Variants in LDLRAD4 observed in about 807,000 individuals in gnomAD.
LDLRAD4 encodes low density lipoprotein receptor class A domain containing 4.
A neutral mutation model predicts 17.0 loss-of-function variants in LDLRAD4; 5 were observed. The ratio of observed to expected loss-of-function variants is 0.29; its 90% CI spans 0.15 to 0.62. The LOEUF is 0.62. Among genes scored for constraint, LDLRAD4 ranks in the 20% least tolerant of loss-of-function variants. The pLI, the probability that LDLRAD4 is intolerant of heterozygous loss-of-function variation, is 0.84. For synonymous variants in LDLRAD4, 168 were observed against 171.8 expected, an observed-to-expected ratio of 0.98 and a Z score of 0.17; for missense variants, 340 against 424.7, an observed-to-expected ratio of 0.80 and a Z score of 1.75.
At chr18:13,372,169 G>A (rs2084567443) in intron 1 of LDLRAD4, among the ~76,000 whole-genome samples, 1 of 152,230 alleles carries the variant, frequency 6.6e-6, no homozygotes. Context: ...GTGTGCCCTT[G>A]CCAGGCATGC....
chr18:13,496,136 C>T lies in LDLRAD4; in HGVS notation c.181+57752C>T, dbSNP rs371786926. 8.5e-5 allele frequency among the ~76,000 whole-genome samples: 13 copies of T among 152,204 alleles called. No individual in the cohort carries two copies. In the South Asian group the frequency reaches 2.7e-3, roughly 32 times the overall value. ...TTTGCCATGGGTACCAGTGAGGGCA[C>T]AGGAGGAAGTGAGTGCTGTGGTGGC... On this transcript the variant is annotated intron_variant, in intron 3 of 5. Coordinates refer to ENST00000359446, the Ensembl canonical transcript of LDLRAD4.
At chr18:13,477,878 G>A (rs2092984494) in intron 3 of LDLRAD4, among the ~76,000 whole-genome samples, 2 of 152,286 alleles carry the variant, frequency 1.3e-5, no homozygotes, top group South Asian at 4.1e-4. Context: ...AAATCCAGCA[G>A]GCACATCTCA....
intron 2 of LDLRAD4, among the ~76,000 whole-genome samples, chr18:13,405,097 G>A (rs1361840916): frequency 1.3e-5 from 2 of 151,646 alleles, no homozygotes; most frequent in Non-Finnish European, 2.9e-5. Context: ...ACAGAAGGTA[G>A]TAATGATGAA....
At chr18:13,449,617 C>G (rs2091659485) in intron 3 of LDLRAD4, among the ~76,000 whole-genome samples, 2 of 152,254 alleles carry the variant, frequency 1.3e-5, no homozygotes, top group Admixed American at 1.3e-4. Flanking sequence ...GGCCCCTGAG[C>G]CAGGCTGTCT....
Position 13,459,159 on chromosome 18 carries a change from C to CAAAAAAAAAAAAA in LDLRAD4, c.181+20795_181+20807dup, listed in dbSNP as rs534798084. Among the ~76,000 whole-genome samples the CAAAAAAAAAAAAA allele has an allele frequency of 7.4e-5, 4 of 53,748 alleles. 1 individual carries two copies. Among genetic ancestry groups the CAAAAAAAAAAAAA allele is most frequent in the African/African-American group, 2.4e-4 (4 of 16,614 alleles). 35.3% of individuals were successfully genotyped at this position (53,748 alleles called of 152,430 possible). ...ACATAGTGAGACTCCATCTCTACACCAAAAAAAAAAAAAAAAAAAAAAAAA... is the reference window on the plus strand; with the variant it reads ...ACATAGTGAGACTCCATCTCTACACCAAAAAAAAAAAAAAAAAAAAAAAAAAAAAAAAAAAAAA... On this transcript the variant is annotated intron_variant, in intron 3 of 5. Transcript: ENST00000359446.
intron 3 of LDLRAD4, among the ~76,000 whole-genome samples, chr18:13,559,555 CAT>C (rs1429231826): frequency 1.4e-4 from 22 of 152,062 alleles, no homozygotes; most frequent in Non-Finnish European, 2.5e-4. Context: ...TACATATACA[CAT>C]GTACACATAT....
chr18:13,360,274 C>A (rs1470306498), intron 1 of LDLRAD4, among the ~76,000 whole-genome samples: 2 of 152,186 alleles, frequency 1.3e-5, no homozygotes. Context: ...TAGTTTCAGA[C>A]CAATAATAAA....
intron 1 of LDLRAD4, among the ~76,000 whole-genome samples, chr18:13,376,079 T>C (rs922917408): frequency 6.6e-6 from 1 of 152,116 alleles, no homozygotes; most frequent in African/African-American, 2.4e-5. Flanking sequence ...GTTCACTTCA[T>C]CAGACTCTGG....
intron 3 of LDLRAD4, among the ~76,000 whole-genome samples, chr18:13,499,025 T>TAC (rs1285106949): frequency 3.4e-5 from 5 of 147,052 alleles, no homozygotes; most frequent in African/African-American, 1.0e-4. Flanking sequence ...AGAATCCTTC[T>TAC]TGCCACACAC....
At chr18:13,255,451 G>A (rs1246353371) in intron 1 of LDLRAD4, among the ~76,000 whole-genome samples, 2 of 152,244 alleles carry the variant, frequency 1.3e-5, no homozygotes, top group Non-Finnish European at 2.9e-5. Context: ...GTTGCCTGGA[G>A]TGGTCAAGGC....
intron 1 of LDLRAD4, among the ~76,000 whole-genome samples, chr18:13,232,699 C>T (rs976455163): frequency 6.6e-6 from 1 of 152,222 alleles, no homozygotes; most frequent in Admixed American, 6.5e-5. Context: ...TGATCCCCTG[C>T]TTGCGTTCCA....
intron 3 of LDLRAD4, among the ~76,000 whole-genome samples, chr18:13,544,117 C>T (rs75997353): frequency 5.1e-4 from 77 of 152,380 alleles, no homozygotes; most frequent in African/African-American, 1.8e-3. Context: ...ATCGCTGGGC[C>T]TGCTATGAAG....
chr18:13,274,342 C>T (rs376816403), upstream of LDLRAD4, among the ~76,000 whole-genome samples: 14 of 152,258 alleles, frequency 9.2e-5, no homozygotes, highest in Middle Eastern at 3.4e-3. Context: ...GGGGAGGGGT[C>T]GGCCAGTGAC....
intron 3 of LDLRAD4, among the ~76,000 whole-genome samples, chr18:13,584,007 C>T (rs146529319): frequency 8.6e-4 from 131 of 152,184 alleles, no homozygotes; most frequent in Non-Finnish European, 1.7e-3. Context: ...GGACCACCAC[C>T]GCCCTTAGCC....
chr18:13,624,176 CCGGACCCACCAGG>C (rs1380446188), intron 4 of LDLRAD4, among the ~76,000 whole-genome samples: 3 of 91,606 alleles, frequency 3.3e-5, no homozygotes, highest in Admixed American at 1.2e-4. Flanking sequence ...CTGAGCACTG[CCGGACCCACCAGG>C]TGCTGAGCAC....
At chr18:13,573,900 C>T (rs2094728333) in intron 3 of LDLRAD4, among the ~76,000 whole-genome samples, 2 of 152,184 alleles carry the variant, frequency 1.3e-5, no homozygotes, top group South Asian at 4.1e-4. Context: ...GTGACGCGCT[C>T]CTTCTCCTGT....
chr18:13,242,105 C>T (rs1182649079), intron 1 of LDLRAD4: 1 of 152,206 alleles, frequency 6.6e-6, no homozygotes, highest in African/African-American at 2.4e-5. Flanking sequence ...AAAACAATAA[C>T]AAAAGATCGG....
At chr18:13,442,753 G>A (rs867067431) in intron 3 of LDLRAD4, among the ~76,000 whole-genome samples, 7 of 152,254 alleles carry the variant, frequency 4.6e-5, no homozygotes, top group Middle Eastern at 6.8e-3. Context: ...GCGTTCCTTC[G>A]ACCGTCCAGA....
At chr18:13,545,327 T>A (rs1390779750) in intron 3 of LDLRAD4, among the ~76,000 whole-genome samples, 3 of 152,188 alleles carry the variant, frequency 2.0e-5, no homozygotes, top group Non-Finnish European at 4.4e-5. Context: ...CAAAGGGGAC[T>A]CCTCGGGGAC....
Sources: allele counts gnomAD v4.1 joint callset (sites outside exome capture counted in the v4.1 genomes callset), GRCh38; gene constraint gnomAD v4.1.1; transcripts MANE v1.5; gene names NCBI Gene and HGNC (gene_info 2026-07-23, HGNC 2026-07-21).